EIF5A2: variants seen among roughly 807,000 people sequenced by gnomAD.
EIF5A2 encodes eukaryotic translation initiation factor 5A-2.
A neutral mutation model predicts 16.4 loss-of-function variants in EIF5A2; 15 were observed. The observed-to-expected ratio is 0.92, with a 90% confidence interval of 0.61 to 1.41. EIF5A2 has a LOEUF of 1.41. Ranked by LOEUF, EIF5A2 falls within the 40% of genes most tolerant of loss-of-function variation. The probability of loss-of-function intolerance (pLI) is 0.00; values close to 1 mark genes in which losing one functional copy is unlikely to be tolerated. For missense variants in EIF5A2, 144 were observed against 189.5 expected (o/e 0.76, Z 1.41); for synonymous variants, 48 against 61.1 (o/e 0.79, Z 1.00).
intron 3 of EIF5A2, among the ~76,000 whole-genome samples, chr3:170,896,857 T>C (rs1712687063): frequency 6.6e-6 from 1 of 152,138 alleles, no homozygotes; most frequent in Non-Finnish European, 1.5e-5. Flanking sequence ...ATTTGAAACT[T>C]CCTAGAGACT....
intron 3 of EIF5A2, 125 bp downstream of exon 3, chr3:170,906,864 G>A (rs1712948430): frequency 1.9e-6 from 1 of 524,392 alleles, no homozygotes; most frequent in African/African-American, 1.9e-5. Flanking sequence ...AAGATAGCTG[G>A]TGCCTAATAA....
intron 3 of EIF5A2, among the ~76,000 whole-genome samples, chr3:170,894,797 C>T (rs559954205): frequency 1.2e-3 from 180 of 150,580 alleles, no homozygotes; most frequent in Admixed American, 2.2e-3. Context: ...GAGGCCGAGG[C>T]GGGCGGATCA....
Position 170,892,147 on chromosome 3 carries a change from C to T in EIF5A2, c.*1213G>A, listed in dbSNP as rs1712549324. 6.6e-6 allele frequency: 1 copy of T among 152,518 alleles called. No homozygotes were observed. Among genetic ancestry groups the T allele is most frequent in the African/African-American group, 2.4e-5 (1 of 41,422 alleles). 9.4% of individuals were successfully genotyped at this position (152,518 alleles called of 1,614,324 possible). ...CTACTTAGAAATGGTTGGAAAGGGG[C>T]TGGGTGTGGTGGCTCATGCCTGTAA... On this transcript the variant is annotated 3_prime_UTR_variant, in exon 5 of 5. Transcript: ENST00000295822.
At chr3:170,894,793 G>A (rs1158131783) in intron 3 of EIF5A2, among the ~76,000 whole-genome samples, 5 of 150,978 alleles carry the variant, frequency 3.3e-5, no homozygotes, top group African/African-American at 7.3e-5. Flanking sequence ...TTGGGAGGCC[G>A]AGGCGGGCGG....
Position 170,893,322 on chromosome 3 carries a change from A to T in EIF5A2, c.*38T>A. ...TAGAACCAAATTAGATCTGCAGTTGATTCAGACATAAACAGTGTTCATGCC... is the reference window on the plus strand; with the variant it reads ...TAGAACCAAATTAGATCTGCAGTTGTTTCAGACATAAACAGTGTTCATGCC... On this transcript the variant is annotated 3_prime_UTR_variant, in exon 5 of 5. Transcript: ENST00000295822. 1 of 1,607,220 alleles carries T rather than the reference A, an allele frequency of 6.2e-7. No homozygotes were observed. Among genetic ancestry groups the T allele is most frequent in the Non-Finnish European group, 8.5e-7 (1 of 1,175,870 alleles).
intron 3 of EIF5A2, among the ~76,000 whole-genome samples, chr3:170,906,488 C>T (rs1712939559): frequency 6.6e-6 from 1 of 152,062 alleles, no homozygotes; most frequent in African/African-American, 2.4e-5. Context: ...GTACTTTATC[C>T]TTTATATTTA....
chr3:170,899,830 G>T (rs539345933), intron 3 of EIF5A2, among the ~76,000 whole-genome samples: 2 of 151,998 alleles, frequency 1.3e-5, no homozygotes, highest in South Asian at 4.1e-4. Flanking sequence ...ACTCCATAGA[G>T]TTGGAAGGTG....
At chr3:170,904,533 GC>G (rs1471332325) in intron 3 of EIF5A2, among the ~76,000 whole-genome samples, 1 of 152,052 alleles carries the variant, frequency 6.6e-6, no homozygotes, top group Non-Finnish European at 1.5e-5. Context: ...CCACTCTGTC[GC>G]CCAGGCTAGA....
At position 170,907,763 on chromosome 3, in the gene EIF5A2, G is replaced by C. The variant is rs778878039; in HGVS notation, c.44C>G (p.Ser15Cys). The C allele has an allele frequency of 6.3e-7, 1 of 1,585,980 alleles. No homozygotes were observed. The highest frequency in any genetic ancestry group is 8.6e-7 in the Non-Finnish European group (1 of 1,158,372). Residue 15 changes from serine to cysteine, a missense_variant, in exon 2 of 5, where the codon TCC becomes TGC. Ser to Cys is a moderately radical substitution (Grantham distance 112). Transcript: ENST00000295822. ...CGAGCACTGCATAGGGTAAGTGCTG[G>C]AAGCCCCGGCATCTCCAGTAGTGAA... is the stretch of plus-strand genomic sequence containing the variant. Reference protein sequence around the residue: ...IDFTTGDAGASSTYPMQCSAL... With the variant: ...IDFTTGDAGACSTYPMQCSAL...
chr3:170,905,982 A>G (rs1712927239), intron 3 of EIF5A2, among the ~76,000 whole-genome samples: 1 of 152,234 alleles, frequency 6.6e-6, no homozygotes, highest in African/African-American at 2.4e-5. Context: ...AAGTGAAAAT[A>G]TAAAAGTGTT....
chr3:170,894,488 T>C (rs982078262), intron 3 of EIF5A2, 65 bp from the exon 4 acceptor site: 10 of 1,449,704 alleles, frequency 6.9e-6, no homozygotes, highest in East Asian at 2.3e-5. Context: ...AATGCTTACA[T>C]AGTTAAATTG....
chr3:170,894,492 T>G, intron 3 of EIF5A2, 69 bp from the exon 4 acceptor site: 4 of 1,383,158 alleles, frequency 2.9e-6, no homozygotes, highest in Non-Finnish European at 4.0e-6. Flanking sequence ...CTTACATAGT[T>G]AAATTGCAAT....
At position 170,894,395 on chromosome 3, in the gene EIF5A2, G is replaced by C. The variant is rs774333223; in HGVS notation, c.299C>G (p.Ser100Cys). 4.3e-6 allele frequency: 7 copies of C among 1,613,964 alleles called. No homozygotes were observed. The South Asian group carries it at 7.7e-5, about 18-fold the overall frequency. ...AACTTCACCAGTTTCTGTCAGCAGG[G>C]AAAGGTAACCATCTTGAATGCATAT... ...QLICIQDGYL[S>C]LLTETGEVRE... is the part of the protein sequence containing the mutation. The change falls in exon 4 of 5, where the codon TCC (serine) becomes TGC (cysteine). Residue 100 changes from serine (S) to cysteine (C), a missense_variant. Physicochemically the swap from Ser to Cys is moderately radical, Grantham distance 112. Coordinates refer to ENST00000295822, the MANE Select transcript of EIF5A2 (RefSeq NM_020390.6).
rs1407883130 is a variant in EIF5A2 at position 170,889,046 on chromosome 3, G to A, written c.*4314C>T. On this transcript the variant is annotated 3_prime_UTR_variant, in exon 5 of 5. Coordinates refer to ENST00000295822, the MANE Select transcript of EIF5A2 (RefSeq NM_020390.6). ...GGACTTCATATAAATACAATAACCT[G>A]TCTTTTTTTTTTTTTTTTTTTTTTT... The A allele has an allele frequency of 3.9e-5, 1 of 25,860 alleles. No individual in the cohort carries two copies. Among genetic ancestry groups the A allele is most frequent in the African/African-American group, 1.5e-4 (1 of 6,476 alleles). 1.6% of individuals were successfully genotyped at this position (25,860 alleles called of 1,614,324 possible).
At chr3:170,904,484 T>C (rs1226672433) in intron 3 of EIF5A2, among the ~76,000 whole-genome samples, 1 of 152,056 alleles carries the variant, frequency 6.6e-6, no homozygotes, top group Non-Finnish European at 1.5e-5. Context: ...TAAATATAAA[T>C]AGAAAGGCCC....
intron 3 of EIF5A2, among the ~76,000 whole-genome samples, chr3:170,898,872 C>T (rs1041078041): frequency 6.6e-6 from 1 of 151,482 alleles, no homozygotes; most frequent in African/African-American, 2.4e-5. Context: ...ATTATTTTTA[C>T]AGAACTATTG....
At chr3:170,904,145 G>T (rs886304603) in intron 3 of EIF5A2, among the ~76,000 whole-genome samples, 6 of 152,184 alleles carry the variant, frequency 3.9e-5, no homozygotes, top group Non-Finnish European at 7.3e-5. Context: ...CTCAGTCCCG[G>T]ACATCTATAA....
chr3:170,902,362 C>T (rs1302270133), intron 3 of EIF5A2, among the ~76,000 whole-genome samples: 1 of 149,982 alleles, frequency 6.7e-6, no homozygotes, highest in Non-Finnish European at 1.5e-5. Flanking sequence ...TGTGGATTTG[C>T]ACTGATTATG....
At chr3:170,898,589 TCCCCAGCC>T (rs1050455544) in intron 3 of EIF5A2, among the ~76,000 whole-genome samples, 1 of 151,952 alleles carries the variant, frequency 6.6e-6, no homozygotes, top group Non-Finnish European at 1.5e-5. Flanking sequence ...TCCTGAGGCC[TCCCCAGCC>T]ATGTGGAACT....
Sources: allele counts gnomAD v4.1 joint callset (sites outside exome capture counted in the v4.1 genomes callset), GRCh38; gene constraint gnomAD v4.1.1; transcripts MANE v1.5; gene names NCBI Gene and HGNC (gene_info 2026-07-23, HGNC 2026-07-21).